NOX1: variants seen among roughly 807,000 people sequenced by gnomAD.
The protein encoded by NOX1 is NADPH oxidase 1.
NOX1 carries 34 observed loss-of-function variants against 42.5 expected under a neutral mutation model. The observed-to-expected ratio is 0.80, with a 90% CI of 0.61 to 1.07. The LOEUF (loss-of-function observed/expected upper bound fraction) is 1.07, where lower values mean the gene tolerates loss of function less well. Among genes scored for constraint, NOX1 ranks in the 50% least tolerant of loss-of-function variants. The pLI, the probability that NOX1 is intolerant of heterozygous loss-of-function variation, is 0.00. For synonymous variants in NOX1, 143 were observed against 152.5 expected (o/e 0.94, Z 0.46); for missense variants, 408 against 427.0 (o/e 0.96, Z 0.39).
chrX:100,863,498 C>T lies in NOX1; in HGVS notation c.239G>A (p.Arg80Lys). 1 of 1,210,803 alleles carries T rather than the reference C, an allele frequency of 8.3e-7. No individual in the cohort carries two copies. The highest frequency in any genetic ancestry group is 3.0e-5 in the East Asian group (1 of 33,804). Residue 80 changes from arginine to lysine, a missense_variant, in exon 3 of 13, where the codon AGG (arginine) becomes AAG (lysine). Arg to Lys is a conservative substitution (Grantham distance 26, BLOSUM62 2). Transcript: ENST00000372966. ...PVCRNLLSFL[R>K]GTCSFCSRTL... ...GTTGGGACTCACTGAGCAGGTGCCC[C>T]TCAGGAAGGACAGCAGATTGCGACA... is the stretch of plus-strand genomic sequence containing the variant.
chrX:100,856,487 A>T lies in NOX1; in HGVS notation c.805-5162T>A, dbSNP rs148639851. 2.1e-3 allele frequency: 769 copies of T among 359,845 alleles called. 9 individuals are homozygous for T. The highest frequency in any genetic ancestry group is 0.017 in the African/African-American group (666 of 39,583). The allele number at this position is 359,845 out of a possible 1,213,427, so 29.7% of individuals were successfully genotyped here. A position where few individuals can be genotyped will look rare whatever the true frequency, so the allele number is the denominator to read the frequency against. On this transcript the variant is annotated intron_variant, in intron 7 of 12. Transcript: ENST00000372966. ...GGTCCTCTTGTCTACTAGTCCGCTA[A>T]TACAGATCCCTGGTTATGATCTTAT... is the stretch of plus-strand genomic sequence containing the variant.
intron 11 of NOX1, 121 bp downstream of exon 11, chrX:100,849,159 G>T: frequency 1.4e-6 from 1 of 718,963 alleles, no homozygotes; most frequent in Non-Finnish European, 2.0e-6. Flanking sequence ...TTTTAAACTT[G>T]TGTGTGAGTG....
In NOX1 at chrX:100,849,886, C is replaced by T; in HGVS notation, c.1182G>A (p.Gln394=). The T allele has an allele frequency of 5.0e-6, 6 of 1,210,486 alleles. No individual in the cohort carries two copies. The highest frequency in any genetic ancestry group is 6.7e-6 in the Non-Finnish European group (6 of 894,928). Residue 394 remains glutamine (Q), a synonymous_variant, in exon 10 of 13, where the codon CAG becomes CAA. Transcript: ENST00000372966. ...PFGTASEDVF[Q]YEVAVLVGAG... is the part of the protein sequence containing the mutation. ...CTCCAACCAGCACAGCCACTTCATA[C>T]TGGAAAACATCCTCACTGGCTGTGC...
intron 7 of NOX1, among the ~76,000 whole-genome samples, chrX:100,860,923 G>A (rs2085199127): frequency 2.7e-5 from 3 of 110,786 alleles, no homozygotes; most frequent in South Asian, 3.9e-4. Flanking sequence ...ATTTTTTGTA[G>A]AGATGGGGTT....
At chrX:100,854,627 T>G (rs765620738) in intron 7 of NOX1, among the ~76,000 whole-genome samples, 2 of 112,302 alleles carry the variant, frequency 1.8e-5, no homozygotes, top group East Asian at 2.8e-4. Flanking sequence ...TAATGGATGA[T>G]ACACAAGCTT....
chrX:100,866,766 G>A (rs1359740268), intron 2 of NOX1, among the ~76,000 whole-genome samples: 1 of 108,153 alleles, frequency 9.2e-6, no homozygotes, highest in African/African-American at 3.4e-5. Flanking sequence ...ACAAAATGTG[G>A]GAGGGTGGGA....
intron 8 of NOX1, among the ~76,000 whole-genome samples, chrX:100,850,892 T>G (rs2085109497): frequency 9.1e-6 from 1 of 110,013 alleles, no homozygotes; most frequent in East Asian, 2.9e-4. Flanking sequence ...CAGGCTGGAG[T>G]GCAGTGGCGC....
Position 100,849,805 on chromosome X carries a change from G to T in NOX1, c.1263C>A (p.Phe421Leu), listed in dbSNP as rs2085100309. 8.3e-7 allele frequency: 1 copy of T among 1,209,256 alleles called. No individual in the cohort carries two copies. The highest frequency in any genetic ancestry group is 1.7e-5 in the African/African-American group (1 of 57,273). Reference protein sequence around the residue: ...ASILKSIWYKFQCADHNLKTK... With the variant: ...ASILKSIWYKLQCADHNLKTK... Reference sequence around the variant, plus strand: ...TTTTGAGGTTGTGGTCTGCACACTGGAATTTGTACCAGATGGATTTCAAGA... The same window carrying T: ...TTTTGAGGTTGTGGTCTGCACACTGTAATTTGTACCAGATGGATTTCAAGA... The change falls in exon 10 of 13, where the codon TTC becomes TTA. Residue 421 changes from phenylalanine (F) to leucine (L), a missense_variant. Transcript: ENST00000372966.
chrX:100,852,418 G>A (rs774992823), intron 7 of NOX1, among the ~76,000 whole-genome samples: 66 of 111,532 alleles, frequency 5.9e-4, no homozygotes, highest in African/African-American at 1.8e-3. Flanking sequence ...AGCCCAGGTC[G>A]CGCCACTGCA....
In NOX1 at chrX:100,849,885, A is replaced by C; in HGVS notation, c.1183T>G (p.Tyr395Asp). 8.3e-7 allele frequency: 1 copy of C among 1,210,429 alleles called. No individual in the cohort carries two copies. The highest frequency in any genetic ancestry group is 1.1e-6 in the Non-Finnish European group (1 of 894,889). ...FGTASEDVFQYEVAVLVGAGI... is the reference protein window; with the variant it reads ...FGTASEDVFQDEVAVLVGAGI... ...GCTCCAACCAGCACAGCCACTTCAT[A>C]CTGGAAAACATCCTCACTGGCTGTG... Residue 395 changes from tyrosine to aspartate, a missense_variant, in exon 10 of 13, where the codon TAT becomes GAT. Physicochemically the swap from Tyr to Asp is radical, Grantham distance 160. Coordinates refer to ENST00000372966, the MANE Select transcript of NOX1 (RefSeq NM_007052.5).
At chrX:100,847,765 T>TG (rs1318338447) in intron 12 of NOX1, among the ~76,000 whole-genome samples, 1 of 24,357 alleles carries the variant, frequency 4.1e-5, no homozygotes, top group South Asian at 1.9e-3. Flanking sequence ...AAACTCCATC[T>TG]CAAAAAAAAA....
At chrX:100,867,762 AGAAG>A (rs1325332167) in intron 2 of NOX1, among the ~76,000 whole-genome samples, 2 of 99,819 alleles carry the variant, frequency 2.0e-5, no homozygotes, top group Admixed American at 1.1e-4. Context: ...AAAGAAAGAA[AGAAG>A]GAAGGAAGGA....
chrX:100,845,315 A>G (rs1423399784), intron 12 of NOX1, among the ~76,000 whole-genome samples: 1 of 110,766 alleles, frequency 9.0e-6, no homozygotes, highest in Non-Finnish European at 1.9e-5. Flanking sequence ...CATACAATAC[A>G]TGGCCTTTGG....
intron 7 of NOX1, chrX:100,856,166 G>C: frequency 4.3e-6 from 4 of 924,605 alleles, no homozygotes; most frequent in Non-Finnish European, 6.2e-6. Context: ...CCTTGCGTTC[G>C]TGGCTGCATC....
At chrX:100,861,881 C>G (rs73631323) in intron 7 of NOX1, among the ~76,000 whole-genome samples, 11 of 112,230 alleles carry the variant, frequency 9.8e-5, no homozygotes, top group African/African-American at 3.6e-4. Context: ...TGCAGCAAGG[C>G]TGGCAGATGA....
intron 4 of NOX1, 102 bp from the exon 5 acceptor site, chrX:100,862,922 G>T: frequency 1.2e-6 from 1 of 819,626 alleles, no homozygotes; most frequent in Non-Finnish European, 1.8e-6. Flanking sequence ...GTGCTTAGCA[G>T]AATGCTGAGT....
chrX:100,863,246 A>G lies in NOX1; in HGVS notation c.253-3T>C. 8.5e-7 allele frequency: 1 copy of G among 1,180,142 alleles called. No homozygotes were observed. Among genetic ancestry groups the G allele is most frequent in the East Asian group, 3.0e-5 (1 of 33,736 alleles). ...TTTCTCAGTGTGCGGCTGCAAAACT[A>G]CAAATGTAGAATGATCATGGTCAGA... On this transcript the variant is annotated splice_polypyrimidine_tract_variant and splice_region_variant and intron_variant, in intron 3 of 12. Transcript: ENST00000372966.
intron 12 of NOX1, 125 bp from the exon 13 acceptor site, chrX:100,844,203 C>G (rs1440774679): frequency 2.4e-5 from 15 of 619,014 alleles, no homozygotes; most frequent in Non-Finnish European, 3.6e-5. Context: ...CTCCCACGTT[C>G]TTCATGGTAG....
Position 100,862,539 on chromosome X carries a change from C to G in NOX1, c.524G>C (p.Gly175Ala). The G allele has an allele frequency of 8.3e-7, 1 of 1,210,663 alleles. No homozygotes were observed. The highest frequency in any genetic ancestry group is 1.1e-6 in the Non-Finnish European group (1 of 894,801). The change falls in exon 6 of 13, where the codon GGT (glycine) becomes GCT (alanine). Residue 175 changes from glycine to alanine, a missense_variant. Gly to Ala is a moderately conservative substitution (Grantham distance 60). Coordinates refer to ENST00000372966, the MANE Select transcript of NOX1 (RefSeq NM_007052.5). ...TATTGTCATGATCACTCCAGTGAGA[C>G]CAGCAATGCTGGTGAATGTCACATA... is the stretch of plus-strand genomic sequence containing the variant. Reference protein sequence around the residue: ...VEYVTFTSIAGLTGVIMTIAL... With the variant: ...VEYVTFTSIAALTGVIMTIAL...
Sources: gnomAD v4.1 joint callset for allele counts (sites outside exome capture counted in the v4.1 genomes callset) on GRCh38, gnomAD v4.1.1 for gene constraint, MANE v1.5 for transcripts, NCBI Gene and HGNC (gene_info 2026-07-23, HGNC 2026-07-21) for gene names.